The following ZFAND3 variants were observed in gnomAD, a reference collection of about 807,000 sequenced individuals.
ZFAND3 encodes the protein zinc finger AN1-type containing 3, also known as AN1-type zinc finger protein 3.
In ZFAND3, 10 loss-of-function variants were observed where a neutral mutation model predicts 29.6. That is an observed-to-expected ratio of 0.34 (90% CI 0.21 to 0.57). ZFAND3 has a LOEUF of 0.57. ZFAND3 is among the 20% of genes least tolerant of loss of function. The probability of loss-of-function intolerance (pLI) is 0.86; values close to 1 mark genes in which losing one functional copy is unlikely to be tolerated. For synonymous variants in ZFAND3, 128 were observed against 112.6 expected (o/e 1.14, Z -0.87); for missense variants, 230 against 304.5 (o/e 0.76, Z 1.82).
intron 1 of ZFAND3, among the ~76,000 whole-genome samples, chr6:37,869,340 G>C (rs542618580): frequency 2.0e-5 from 3 of 151,804 alleles, no homozygotes; most frequent in Non-Finnish European, 4.4e-5. Context: ...TGTATTTTTA[G>C]TAGAGATGGG....
chr6:38,063,238 G>A (rs1008805209), intron 3 of ZFAND3, among the ~76,000 whole-genome samples: 6 of 152,152 alleles, frequency 3.9e-5, no homozygotes, highest in Admixed American at 3.9e-4. Context: ...GCTATATTTG[G>A]TAATATCGAG....
chr6:38,136,228 A>G (rs1765840051), intron 5 of ZFAND3, among the ~76,000 whole-genome samples: 1 of 152,162 alleles, frequency 6.6e-6, no homozygotes, highest in African/African-American at 2.4e-5. Context: ...AGCCACCTGT[A>G]CTGTCTAGTG....
At chr6:38,093,829 G>C (rs1287936172) in intron 4 of ZFAND3, among the ~76,000 whole-genome samples, 1 of 152,116 alleles carries the variant, frequency 6.6e-6, no homozygotes, top group Non-Finnish European at 1.5e-5. Context: ...CTAGCAAATA[G>C]TGGTGGTTGG....
At chr6:37,980,020 A>G (rs1762553112) in intron 2 of ZFAND3, among the ~76,000 whole-genome samples, 1 of 152,214 alleles carries the variant, frequency 6.6e-6, no homozygotes, top group South Asian at 2.1e-4. Context: ...CACAGGTTAC[A>G]TGCCTACCAA....
At chr6:38,058,153 G>A (rs913689375) in intron 2 of ZFAND3, among the ~76,000 whole-genome samples, 1 of 152,164 alleles carries the variant, frequency 6.6e-6, no homozygotes, top group Non-Finnish European at 1.5e-5. Context: ...ATTGTCTTTA[G>A]ATACCAACAT....
intron 1 of ZFAND3, among the ~76,000 whole-genome samples, chr6:37,875,183 T>G (rs962933448): frequency 6.6e-6 from 1 of 152,230 alleles, no homozygotes; most frequent in Admixed American, 6.5e-5. Context: ...ACCATTTTTG[T>G]GTTATTTTTA....
intron 1 of ZFAND3, among the ~76,000 whole-genome samples, chr6:37,829,555 A>G (rs1458692929): frequency 2.0e-5 from 3 of 152,262 alleles, no homozygotes; most frequent in African/African-American, 7.2e-5. Context: ...ATGAAATAAA[A>G]TAAAATAAAT....
At chr6:38,067,666 C>A (rs991888853) in intron 3 of ZFAND3, among the ~76,000 whole-genome samples, 15 of 152,114 alleles carry the variant, frequency 9.9e-5, no homozygotes, top group African/African-American at 3.6e-4. Context: ...AGTTTTTTGA[C>A]CCAACTTTTG....
intron 1 of ZFAND3, among the ~76,000 whole-genome samples, chr6:37,829,410 C>T (rs2127367166): frequency 6.6e-6 from 1 of 152,190 alleles, no homozygotes. Flanking sequence ...ATGGCCTGCG[C>T]CTGTAATCCC....
At chr6:37,943,040 A>T (rs1035140158) in intron 2 of ZFAND3, among the ~76,000 whole-genome samples, 2 of 152,170 alleles carry the variant, frequency 1.3e-5, no homozygotes, top group African/African-American at 4.8e-5. Context: ...GAACAAAAGG[A>T]ATGCATTTCT....
chr6:38,126,973 G>T (rs1765647328), intron 5 of ZFAND3, among the ~76,000 whole-genome samples: 2 of 148,046 alleles, frequency 1.4e-5, no homozygotes, highest in African/African-American at 5.0e-5. Flanking sequence ...ATCACTTTTT[G>T]AATACTGCAG....
chr6:37,883,309 C>T (rs1390804958), intron 1 of ZFAND3, among the ~76,000 whole-genome samples: 2 of 152,108 alleles, frequency 1.3e-5, no homozygotes, highest in Non-Finnish European at 2.9e-5. Flanking sequence ...AAGCAGTGTA[C>T]AAAGCACATC....
At chr6:37,968,286 GA>G (rs910813639) in intron 2 of ZFAND3, among the ~76,000 whole-genome samples, 8 of 151,608 alleles carry the variant, frequency 5.3e-5, no homozygotes, top group South Asian at 2.1e-4. Context: ...ATGGATGGGG[GA>G]AAAAAAGCGT....
chr6:37,891,562 G>A (rs969885552), intron 1 of ZFAND3, among the ~76,000 whole-genome samples: 1 of 150,746 alleles, frequency 6.6e-6, no homozygotes. Context: ...TCACACCACT[G>A]CTGCACTCCA....
chr6:38,136,075 T>C (rs916683671), intron 5 of ZFAND3, among the ~76,000 whole-genome samples: 4 of 152,012 alleles, frequency 2.6e-5, no homozygotes, highest in Non-Finnish European at 5.9e-5. Flanking sequence ...GGTGTGATGG[T>C]GGGTGTGGGA....
chr6:38,136,356 A>G (rs573076653), intron 5 of ZFAND3, among the ~76,000 whole-genome samples: 1 of 152,142 alleles, frequency 6.6e-6, no homozygotes, highest in Admixed American at 6.5e-5. Flanking sequence ...ACTGGTGCAC[A>G]TGCTAAAATG....
At chr6:37,947,859 A>G (rs1215967244) in intron 2 of ZFAND3, among the ~76,000 whole-genome samples, 1 of 152,138 alleles carries the variant, frequency 6.6e-6, no homozygotes, top group Non-Finnish European at 1.5e-5. Flanking sequence ...TTATGGGTAT[A>G]TAAATATTAT....
intron 3 of ZFAND3, among the ~76,000 whole-genome samples, chr6:38,079,460 T>G (rs991521198): frequency 4.6e-5 from 7 of 152,146 alleles, no homozygotes; most frequent in African/African-American, 1.7e-4. Context: ...CACTAGAAAT[T>G]TTTAAAAGAA....
chr6:37,977,847 C>CCTTCCTT (rs1270587772), intron 2 of ZFAND3, among the ~76,000 whole-genome samples: 2 of 127,306 alleles, frequency 1.6e-5, no homozygotes, highest in East Asian at 4.5e-4. Flanking sequence ...TTCCTTCCTT[C>CCTTCCTT]CTTCCTTCCT....
Sources: gnomAD v4.1 joint callset for allele counts (sites outside exome capture counted in the v4.1 genomes callset) on GRCh38, gnomAD v4.1.1 for gene constraint, MANE v1.5 for transcripts, NCBI Gene and HGNC (gene_info 2026-07-23, HGNC 2026-07-21) for gene names.